CNOT9: variants seen among roughly 807,000 people sequenced by gnomAD.
CNOT9 encodes CCR4-NOT transcription complex subunit 9, also known as RCD1 required for cell differentiation1 homolog.
In CNOT9, 8 loss-of-function variants were observed where a neutral mutation model predicts 37.4. The observed-to-expected ratio is 0.21, with a 90% confidence interval of 0.13 to 0.39. The LOEUF is 0.39. Among genes scored for constraint, CNOT9 ranks in the 10% least tolerant of loss-of-function variants. CNOT9 has a pLI of 1.00. For synonymous variants in CNOT9, 120 were observed against 137.6 expected (o/e 0.87, Z 0.90); for missense variants, 154 against 365.3 (o/e 0.42, Z 4.71).
At chr2:218,593,717 A>G in intron 7 of CNOT9, 1 of 1,228,068 alleles carries the variant, frequency 8.1e-7, no homozygotes, top group Non-Finnish European at 1.0e-6. Context: ...AAATTCATTA[A>G]GTTATCATAA....
At chr2:218,579,798 A>G (rs1433687998) in intron 1 of CNOT9, among the ~76,000 whole-genome samples, 5 of 147,254 alleles carry the variant, frequency 3.4e-5, no homozygotes, top group Non-Finnish European at 7.4e-5. Flanking sequence ...AGTTTTCTGC[A>G]TTTATTTATT....
chr2:218,571,049 TGTGG>T (rs1183605433), intron 1 of CNOT9, among the ~76,000 whole-genome samples: 3 of 152,176 alleles, frequency 2.0e-5, no homozygotes, highest in Non-Finnish European at 4.4e-5. Flanking sequence ...ATTATTCTGA[TGTGG>T]GTAAAGGGAC....
In CNOT9 at chr2:218,594,312, G is replaced by A. The variant is rs997483312; in HGVS notation, c.*36G>A. 10 of 1,563,432 alleles carry A rather than the reference G, an allele frequency of 6.4e-6. No individual in the cohort carries two copies. The highest frequency in any genetic ancestry group is 6.9e-6 in the Non-Finnish European group (8 of 1,151,752). On this transcript the variant is annotated 3_prime_UTR_variant, in exon 8 of 8. Coordinates refer to ENST00000273064, the MANE Select transcript of CNOT9 (RefSeq NM_005444.3). ...TTCCCTCCCACTACTCCCCCAAGTT[G>A]GGGAAAGGAGGGGGAACCTACGAGA...
rs1694833477 is a variant in CNOT9 at position 218,593,066 on chromosome 2, GGGCTCTTGAATTCTATTTCCAA to G, written c.731+360_731+381del. ...CTCTTAAAAAGGAACACAGCCCAGA[GGGCTCTTGAATTCTATTTCCAA>G]TTCTGTCCTTGATTCCTATAAGTTT... On this transcript the variant is annotated intron_variant, in intron 7 of 7. Coordinates refer to ENST00000273064, the MANE Select transcript of CNOT9 (RefSeq NM_005444.3). 3 of 263,654 alleles carry G rather than the reference GGGCTCTTGAATTCTATTTCCAA, an allele frequency of 1.1e-5. No homozygotes were observed. The South Asian group carries it at 1.7e-4, about 15-fold the overall frequency. 16.3% of individuals were successfully genotyped at this position (263,654 alleles called of 1,614,324 possible). A position where few individuals can be genotyped will look rare whatever the true frequency, so the allele number is the denominator to read the frequency against.
Position 218,592,459 on chromosome 2 carries a change from T to G in CNOT9, c.639+57T>G. 6.6e-7 allele frequency: 1 copy of G among 1,518,574 alleles called. No individual in the cohort carries two copies. Among genetic ancestry groups the G allele is most frequent in the Non-Finnish European group, 9.1e-7 (1 of 1,093,168 alleles). The allele number at this position is 1,518,574 out of a possible 1,614,324, so 94.1% of individuals were successfully genotyped here. A position where few individuals can be genotyped will look rare whatever the true frequency, so the allele number is the denominator to read the frequency against. On this transcript the variant is annotated intron_variant, in intron 6 of 7. Coordinates refer to ENST00000273064, the MANE Select transcript of CNOT9 (RefSeq NM_005444.3). This position sits in a 1 kb window ranked among gnomAD's most constrained non-coding sequence, Gnocchi z 4.1. ...ACTTCTCATCACAAAGCTTAATCTCTTTATAACTGGCATTGAACAACTTCA... is the reference window on the plus strand; with the variant it reads ...ACTTCTCATCACAAAGCTTAATCTCGTTATAACTGGCATTGAACAACTTCA...
Position 218,568,851 on chromosome 2 carries a change from G to T in CNOT9, c.-104G>T. On this transcript the variant is annotated 5_prime_UTR_variant, in exon 1 of 8. Transcript: ENST00000273064. ...AAGTGGGCGGAGCGAGCCGGAGTCG[G>T]ATGGCGGCTACGGCGGCTCATTGTT... is the stretch of plus-strand genomic sequence containing the variant. 1.5e-6 allele frequency: 2 copies of T among 1,355,646 alleles called. No individual in the cohort carries two copies. Among genetic ancestry groups the T allele is most frequent in the Non-Finnish European group, 2.0e-6 (2 of 977,872 alleles). 84.0% of individuals were successfully genotyped at this position (1,355,646 alleles called of 1,614,324 possible).
chr2:218,584,935 G>C (rs912858434), intron 4 of CNOT9, among the ~76,000 whole-genome samples: 2 of 152,132 alleles, frequency 1.3e-5, no homozygotes, highest in Non-Finnish European at 1.5e-5. Context: ...TCCAACATTT[G>C]GGATTAAATT....
At position 218,592,790 on chromosome 2, in the gene CNOT9, T is replaced by C. The variant is rs976945741; in HGVS notation, c.731+83T>C. ...AATCTCATGGCATAGCTCCTGTGTC[T>C]TTAGGACAGGGAAGTGGGGATATAA... is the stretch of plus-strand genomic sequence containing the variant. On this transcript the variant is annotated intron_variant, in intron 7 of 7. Coordinates refer to ENST00000273064, the MANE Select transcript of CNOT9 (RefSeq NM_005444.3). This position sits in a 1 kb window ranked among gnomAD's most constrained non-coding sequence, Gnocchi z 4.1. The C allele has an allele frequency of 1.1e-5, 12 of 1,084,142 alleles. No homozygotes were observed. The highest frequency in any genetic ancestry group is 1.6e-5 in the Non-Finnish European group (11 of 704,336). The allele number at this position is 1,084,142 out of a possible 1,614,324, so 67.2% of individuals were successfully genotyped here.
At chr2:218,576,459 G>A (rs1694171591) in intron 1 of CNOT9, among the ~76,000 whole-genome samples, 1 of 152,148 alleles carries the variant, frequency 6.6e-6, no homozygotes, top group South Asian at 2.1e-4. Context: ...GGAACTATGT[G>A]AAACTATTGT....
rs577316535 is a variant in CNOT9 at position 218,595,452 on chromosome 2, A to C, written c.*1176A>C. 1.6e-5 allele frequency: 1 copy of C among 63,928 alleles called. No individual in the cohort carries two copies. Among genetic ancestry groups the C allele is most frequent in the Non-Finnish European group, 3.0e-5 (1 of 33,820 alleles). 4.0% of individuals were successfully genotyped at this position (63,928 alleles called of 1,614,324 possible). ...TTTTTTGACCATTCTCTTTTAGTCT[A>C]TGGGAATTACAGGGTTGCCGCTAAA... is the stretch of plus-strand genomic sequence containing the variant. On this transcript the variant is annotated 3_prime_UTR_variant, in exon 8 of 8. Coordinates refer to ENST00000273064, the MANE Select transcript of CNOT9 (RefSeq NM_005444.3).
intron 3 of CNOT9, among the ~76,000 whole-genome samples, 166 bp downstream of exon 3, chr2:218,583,252 TC>T (rs1248154630): frequency 1.3e-4 from 7 of 52,674 alleles, no homozygotes; most frequent in African/African-American, 5.8e-4. Flanking sequence ...TCTCTCTCTC[TC>T]TCTCTCTCTC....
intron 5 of CNOT9, among the ~76,000 whole-genome samples, chr2:218,591,219 A>G (rs1200692764): frequency 6.6e-6 from 1 of 152,116 alleles, no homozygotes; most frequent in Non-Finnish European, 1.5e-5. Flanking sequence ...AAATAATTCC[A>G]CAGTTCATTT....
At chr2:218,593,850 A>C in intron 7 of CNOT9, 1 of 1,214,370 alleles carries the variant, frequency 8.2e-7, no homozygotes, top group East Asian at 2.8e-5. Context: ...GAATGGAAGT[A>C]AACTATTGAA....
chr2:218,591,851 A>G (rs564762624), intron 5 of CNOT9, among the ~76,000 whole-genome samples: 6 of 152,322 alleles, frequency 3.9e-5, no homozygotes, highest in Admixed American at 1.3e-4. Flanking sequence ...AGAGCCTTAG[A>G]TATTCAAATG....
At chr2:218,583,249 C>A (rs1291106425) in intron 3 of CNOT9, among the ~76,000 whole-genome samples, 163 bp downstream of exon 3, 1 of 54,684 alleles carries the variant, frequency 1.8e-5, no homozygotes, top group African/African-American at 7.7e-5. Flanking sequence ...CTCTCTCTCT[C>A]TCTCTCTCTC....
chr2:218,575,477 C>T (rs1694137510), intron 1 of CNOT9, among the ~76,000 whole-genome samples: 1 of 143,726 alleles, frequency 7.0e-6, no homozygotes, highest in East Asian at 1.9e-4. Context: ...GCAATCTCCG[C>T]TCACTGCAAG....
rs1418729868 is a variant in CNOT9 at position 218,588,149 on chromosome 2, T to C, written c.540+454T>C. On this transcript the variant is annotated intron_variant, in intron 5 of 7. Coordinates refer to ENST00000273064, the MANE Select transcript of CNOT9 (RefSeq NM_005444.3). Reference sequence around the variant, plus strand: ...TCAGACCTCCATTGCCATAGTCCTTTTGTCTTCTAACATTGAATATTGCAG... The same window carrying C: ...TCAGACCTCCATTGCCATAGTCCTTCTGTCTTCTAACATTGAATATTGCAG... 2.6e-5 allele frequency among the ~76,000 whole-genome samples: 4 copies of C among 152,324 alleles called. No individual in the cohort carries two copies. The South Asian group carries it at 8.3e-4, about 32-fold the overall frequency.
chr2:218,593,827 C>G (rs1694854590), intron 7 of CNOT9: 1 of 1,234,120 alleles, frequency 8.1e-7, no homozygotes, highest in African/African-American at 1.5e-5. Context: ...TTTAATAAAT[C>G]AGAAAGCTGT....
intron 5 of CNOT9, among the ~76,000 whole-genome samples, chr2:218,590,656 C>T (rs995561864): frequency 1.3e-5 from 2 of 152,164 alleles, no homozygotes; most frequent in Admixed American, 6.5e-5. Context: ...GTTGCCTTTT[C>T]TAGCTTCTAG....
Sources: gnomAD v4.1 joint callset for allele counts (sites outside exome capture counted in the v4.1 genomes callset) on GRCh38, gnomAD v4.1.1 for gene constraint, Gnocchi (gnomAD v3.1) non-coding constraint, MANE v1.5 for transcripts, NCBI Gene and HGNC (gene_info 2026-07-23, HGNC 2026-07-21) for gene names.